XKR4: variants seen among roughly 807,000 people sequenced by gnomAD.
XKR4 encodes the protein XK-related protein 4.
Under a neutral mutation model 53.9 loss-of-function variants are expected in XKR4, and 12 were observed. That is an observed-to-expected ratio of 0.22 (90% CI 0.14 to 0.36). The LOEUF is 0.36. Among genes scored for constraint, XKR4 ranks in the 10% least tolerant of loss-of-function variants. XKR4 has a pLI of 1.00. For missense variants in XKR4, 799 were observed against 859.5 expected, an observed-to-expected ratio of 0.93 and a Z score of 0.88; for synonymous variants, 354 against 362.4, an observed-to-expected ratio of 0.98 and a Z score of 0.26.
At chr8:55,135,431 A>G in intron 1 of XKR4, 1 of 340,034 alleles carries the variant, frequency 2.9e-6, no homozygotes, top group Admixed American at 3.5e-5. Context: ...TGTTGTATGA[A>G]TAGGGACAGA....
intron 2 of XKR4, among the ~76,000 whole-genome samples, chr8:55,469,565 T>TA (rs1326349093): frequency 6.6e-6 from 1 of 152,176 alleles, no homozygotes; most frequent in Non-Finnish European, 1.5e-5. Context: ...ATCTGTATCC[T>TA]ACTTCCAAGA....
chr8:55,470,428 T>A (rs990021439), intron 2 of XKR4, among the ~76,000 whole-genome samples: 2 of 152,108 alleles, frequency 1.3e-5, no homozygotes, highest in Non-Finnish European at 2.9e-5. Flanking sequence ...ATCTGATGGT[T>A]TTATAAGTGG....
At chr8:55,129,570 G>C (rs989652484) in intron 1 of XKR4, among the ~76,000 whole-genome samples, 1 of 152,292 alleles carries the variant, frequency 6.6e-6, no homozygotes, top group Non-Finnish European at 1.5e-5. Flanking sequence ...GCTGAAGTGT[G>C]GTGGCAGAGG....
At chr8:55,453,508 CTT>C (rs1349333337) in intron 2 of XKR4, 38 of 387,948 alleles carry the variant, frequency 9.8e-5, no homozygotes, top group South Asian at 4.8e-4. Flanking sequence ...GCCCTGGGCT[CTT>C]GACCTGCAGC....
In XKR4 at chr8:55,532,923, T is replaced by G. The variant is rs1806975925; in HGVS notation, c.*8696T>G. On this transcript the variant is annotated 3_prime_UTR_variant, in exon 3 of 3. Transcript: ENST00000327381. ...TTGCTTAATTTATATTAAAACAGAT[T>G]TAATCAAATTATTACTTAAGTACTA... 6.6e-6 allele frequency: 1 copy of G among 152,198 alleles called. No homozygotes were observed. Among genetic ancestry groups the G allele is most frequent in the Non-Finnish European group, 1.5e-5 (1 of 68,036 alleles). The allele number at this position is 152,198 out of a possible 1,614,324, so 9.4% of individuals were successfully genotyped here.
intron 1 of XKR4, among the ~76,000 whole-genome samples, chr8:55,266,627 C>T (rs1818605684): frequency 6.6e-6 from 1 of 152,060 alleles, no homozygotes; most frequent in South Asian, 2.1e-4. Context: ...GGAAAAGCAA[C>T]CTGTTCAAGT....
At chr8:55,453,147 T>C in intron 2 of XKR4, 1 of 523,674 alleles carries the variant, frequency 1.9e-6, no homozygotes, top group South Asian at 1.5e-5. Context: ...CCCAGAACTG[T>C]GGCATGCTCC....
chr8:55,314,414 C>T lies in XKR4; in HGVS notation c.807-43264C>T, dbSNP rs114254116. 2.2e-3 allele frequency among the ~76,000 whole-genome samples: 341 copies of T among 152,210 alleles called. 1 individual carries two copies. The highest frequency in any genetic ancestry group is 7.9e-3 in the African/African-American group (327 of 41,540). ...TGGGATGCCCATTCTGCCTGAGGCCCCCCCATCGCTGGGGCACCGACCTCA... is the reference window on the plus strand; with the variant it reads ...TGGGATGCCCATTCTGCCTGAGGCCTCCCCATCGCTGGGGCACCGACCTCA... On this transcript the variant is annotated intron_variant, in intron 1 of 2. Coordinates refer to ENST00000327381, the MANE Select transcript of XKR4 (RefSeq NM_052898.2).
intron 1 of XKR4, among the ~76,000 whole-genome samples, chr8:55,341,491 A>T (rs1780120635): frequency 6.6e-6 from 1 of 152,204 alleles, no homozygotes; most frequent in Non-Finnish European, 1.5e-5. Context: ...TACCTGTGCC[A>T]GGAAGGCGCC....
At chr8:55,400,354 CT>C (rs909123316) in intron 2 of XKR4, among the ~76,000 whole-genome samples, 1 of 152,108 alleles carries the variant, frequency 6.6e-6, no homozygotes, top group African/African-American at 2.4e-5. Flanking sequence ...TGAAAAATGT[CT>C]AGTTCAGATC....
At chr8:55,240,672 G>A (rs78287601) in intron 1 of XKR4, among the ~76,000 whole-genome samples, 2,256 of 152,238 alleles carry the variant, frequency 0.015, 44 homozygotes, top group East Asian at 0.042. Context: ...AGGGCACACA[G>A]GCAAGGGAAT....
chr8:55,114,335 G>A (rs1027167672), intron 1 of XKR4, among the ~76,000 whole-genome samples: 1 of 152,062 alleles, frequency 6.6e-6, no homozygotes, highest in African/African-American at 2.4e-5. Flanking sequence ...GTTGTGTTGA[G>A]CATTTTTTTC....
At chr8:55,437,711 GC>G (rs1805196924) in intron 2 of XKR4, among the ~76,000 whole-genome samples, 1 of 152,130 alleles carries the variant, frequency 6.6e-6, no homozygotes, top group Non-Finnish European at 1.5e-5. Flanking sequence ...ATAGATATGG[GC>G]TCTGAAATCA....
intron 2 of XKR4, among the ~76,000 whole-genome samples, chr8:55,474,765 G>A (rs1325109648): frequency 1.3e-5 from 2 of 152,146 alleles, no homozygotes; most frequent in African/African-American, 2.4e-5. Context: ...CACACAGAGT[G>A]CTGGAGGAAC....
At chr8:55,378,868 T>C (rs1278471243) in intron 2 of XKR4, among the ~76,000 whole-genome samples, 1 of 152,254 alleles carries the variant, frequency 6.6e-6, no homozygotes, top group Non-Finnish European at 1.5e-5. Flanking sequence ...CACCCCCTTC[T>C]AGCTTGAACA....
chr8:55,255,864 G>C (rs1818432480), intron 1 of XKR4, among the ~76,000 whole-genome samples: 1 of 151,994 alleles, frequency 6.6e-6, no homozygotes, highest in Admixed American at 6.6e-5. Context: ...CAGAGTTGTA[G>C]GTGCTGAAGA....
At chr8:55,464,352 A>G (rs1389914217) in intron 2 of XKR4, among the ~76,000 whole-genome samples, 2 of 152,212 alleles carry the variant, frequency 1.3e-5, no homozygotes, top group Non-Finnish European at 2.9e-5. Flanking sequence ...AATCCAGCAT[A>G]TAAACAGAAC....
chr8:55,443,274 C>CA (rs1272750138), intron 2 of XKR4, among the ~76,000 whole-genome samples: 3 of 151,760 alleles, frequency 2.0e-5, no homozygotes. Context: ...AGCCAAAGGC[C>CA]AGTATCAGGT....
chr8:55,274,317 A>T (rs57220533), intron 1 of XKR4, among the ~76,000 whole-genome samples: 4,012 of 152,172 alleles, frequency 0.026, 185 homozygotes, highest in African/African-American at 0.089. Context: ...GGCCAGCAAG[A>T]TTGGTTTCTC....
Sources: allele counts gnomAD v4.1 joint callset (sites outside exome capture counted in the v4.1 genomes callset), GRCh38; gene constraint gnomAD v4.1.1; transcripts MANE v1.5; gene names NCBI Gene and HGNC (gene_info 2026-07-23, HGNC 2026-07-21).